HDAC9: variants seen among roughly 807,000 people sequenced by gnomAD.
HDAC9 encodes MEF-2 interacting transcription repressor (MITR) protein.
In HDAC9, 41 loss-of-function variants were observed where a neutral mutation model predicts 139.4. That is an observed-to-expected ratio of 0.29 (90% CI 0.23 to 0.38). The LOEUF (loss-of-function observed/expected upper bound fraction) is 0.38. HDAC9 is among the 10% of genes least tolerant of loss of function. The pLI is 1.00. For missense variants in HDAC9, 1,147 were observed against 1,297.0 expected (o/e 0.88, Z 1.78); for synonymous variants, 517 against 476.2 (o/e 1.09, Z -1.12).
intron 2 of HDAC9, among the ~76,000 whole-genome samples, chr7:18,216,437 G>A (rs1232273454): frequency 6.6e-6 from 1 of 152,014 alleles, no homozygotes; most frequent in Non-Finnish European, 1.5e-5. Context: ...GTTGGTGATA[G>A]GCATCTGTAC....
chr7:18,272,913 GCTACTACTACTACTACTACTACTA>G (rs149171355), intron 2 of HDAC9, among the ~76,000 whole-genome samples: 23 of 144,586 alleles, frequency 1.6e-4, no homozygotes, highest in African/African-American at 2.6e-4. Context: ...CTAGACTACT[GCTACTACTACTACTACTACTACTA>G]CTACTACTAC....
intron 1 of HDAC9, among the ~76,000 whole-genome samples, chr7:18,391,388 C>T (rs796930702): frequency 1.9e-4 from 29 of 150,272 alleles, no homozygotes; most frequent in Middle Eastern, 3.4e-3. Flanking sequence ...CCATCCCCCC[C>T]CCAAAAAAAA....
At chr7:18,815,103 A>C (rs1794465335) in intron 17 of HDAC9, among the ~76,000 whole-genome samples, 1 of 152,098 alleles carries the variant, frequency 6.6e-6, no homozygotes. Context: ...TCAAGTCATG[A>C]TTATTACTCT....
chr7:18,238,878 T>C (rs1794002768), intron 2 of HDAC9, among the ~76,000 whole-genome samples: 1 of 152,178 alleles, frequency 6.6e-6, no homozygotes, highest in African/African-American at 2.4e-5. Context: ...TAGGGAGGTG[T>C]GGAACAGACT....
At chr7:18,137,749 T>C (rs913535967) in intron 1 of HDAC9, among the ~76,000 whole-genome samples, 23 of 152,168 alleles carry the variant, frequency 1.5e-4, no homozygotes, top group African/African-American at 5.1e-4. Context: ...TCATCAAGGA[T>C]ATTGGTCTAA....
At chr7:18,966,442 C>G (rs1272895831) in intron 24 of HDAC9, among the ~76,000 whole-genome samples, 3 of 152,116 alleles carry the variant, frequency 2.0e-5, no homozygotes, top group Admixed American at 1.3e-4. Context: ...GTGGCTCACG[C>G]CTGTAATCCT....
At chr7:18,807,747 T>C (rs2129187695) in intron 17 of HDAC9, among the ~76,000 whole-genome samples, 1 of 152,324 alleles carries the variant, frequency 6.6e-6, no homozygotes, top group Non-Finnish European at 1.5e-5. Flanking sequence ...TTTCCTCTGG[T>C]TATTGATTCC....
chr7:18,979,758 CAAGA>C (rs1361681462), intron 25 of HDAC9, among the ~76,000 whole-genome samples: 1 of 151,902 alleles, frequency 6.6e-6, no homozygotes, highest in Non-Finnish European at 1.5e-5. Context: ...CAGAAGCAAA[CAAGA>C]GAGAGAGTGG....
intron 2 of HDAC9, among the ~76,000 whole-genome samples, chr7:18,535,548 C>G (rs936602509): frequency 6.6e-6 from 1 of 151,392 alleles, no homozygotes; most frequent in African/African-American, 2.4e-5. Context: ...TCTATTATAT[C>G]TACATACATT....
chr7:18,873,999 AT>A (rs1799126120), intron 21 of HDAC9, among the ~76,000 whole-genome samples: 2 of 148,298 alleles, frequency 1.3e-5, no homozygotes, highest in South Asian at 2.1e-4. Context: ...ATATTTAAAA[AT>A]GTTTTTTTTT....
intron 1 of HDAC9, among the ~76,000 whole-genome samples, chr7:18,418,363 CT>C (rs1401307825): frequency 2.1e-5 from 3 of 142,886 alleles, no homozygotes; most frequent in African/African-American, 7.8e-5. Context: ...TTTATATTTA[CT>C]TTTTTCTTTT....
At chr7:18,290,423 A>G (rs1797730235) in exon 1 of HDAC9, 5 of 454,938 alleles carry the variant, frequency 1.1e-5, no homozygotes, top group South Asian at 7.8e-5. Context: ...TGGCTCTTTA[A>G]TATTATAACG....
chr7:18,975,749 C>A (rs1391927813), intron 24 of HDAC9, 57 bp from the exon 25 acceptor site: 6 of 1,528,184 alleles, frequency 3.9e-6, no homozygotes, highest in Non-Finnish European at 5.4e-6. Flanking sequence ...TGTGAGTATT[C>A]TGATTATTAC....
At chr7:18,208,372 C>CT (rs71553923) in intron 2 of HDAC9, among the ~76,000 whole-genome samples, 66,106 of 130,420 alleles carry the variant, frequency 0.51, 17,565 homozygotes, top group South Asian at 0.74. Context: ...CTGAGAGTAT[C>CT]TTTTTTTTTT....
chr7:18,358,140 G>A (rs1783474621), intron 1 of HDAC9, among the ~76,000 whole-genome samples: 1 of 152,172 alleles, frequency 6.6e-6, no homozygotes, highest in African/African-American at 2.4e-5. Context: ...AGTGAGCTGA[G>A]ATGGTGCCAT....
At chr7:18,904,870 C>T (rs572051754) in intron 22 of HDAC9, among the ~76,000 whole-genome samples, 1 of 151,574 alleles carries the variant, frequency 6.6e-6, no homozygotes, top group African/African-American at 2.4e-5. Flanking sequence ...CCGCCGTGCC[C>T]GGCCACTTCT....
intron 22 of HDAC9, among the ~76,000 whole-genome samples, chr7:18,898,560 TGA>T (rs966563566): frequency 6.6e-6 from 1 of 151,862 alleles, no homozygotes; most frequent in Non-Finnish European, 1.5e-5. Flanking sequence ...AAAGAAATAT[TGA>T]GAGAGGCAGT....
chr7:18,251,577 G>A (rs1794919980), intron 2 of HDAC9, among the ~76,000 whole-genome samples: 1 of 152,078 alleles, frequency 6.6e-6, no homozygotes, highest in African/African-American at 2.4e-5. Context: ...AGAAGATGGA[G>A]GGCAGGGAGA....
chr7:18,237,303 A>G (rs982108869), intron 2 of HDAC9, among the ~76,000 whole-genome samples: 8 of 152,230 alleles, frequency 5.3e-5, no homozygotes, highest in East Asian at 1.9e-4. Flanking sequence ...ATCTAGTCAC[A>G]TGTAACTGAC....
Sources: allele counts gnomAD v4.1 joint callset (sites outside exome capture counted in the v4.1 genomes callset), GRCh38; gene constraint gnomAD v4.1.1; transcripts MANE v1.5; gene names NCBI Gene and HGNC (gene_info 2026-07-23, HGNC 2026-07-21).